DPYD: variants seen among roughly 807,000 people sequenced by gnomAD.
DPYD encodes dihydropyrimidine dehydrogenase, also known as dihydropyrimidine dehydrogenase [NADP(+)].
In DPYD, 109 loss-of-function variants were observed where a neutral mutation model predicts 116.2. The observed-to-expected ratio is 0.94, with a 90% CI of 0.80 to 1.10. The LOEUF (loss-of-function observed/expected upper bound fraction) is 1.10. Among genes scored for constraint, DPYD ranks in the 50% least tolerant of loss-of-function variants. The pLI is 0.00. For synonymous variants in DPYD, 440 were observed against 432.0 expected, an observed-to-expected ratio of 1.02 and a Z score of -0.23; for missense variants, 1,302 against 1,254.5, an observed-to-expected ratio of 1.04 and a Z score of -0.57.
chr1:97,516,733 G>A (rs779473292), intron 12 of DPYD, among the ~76,000 whole-genome samples: 85 of 151,938 alleles, frequency 5.6e-4, no homozygotes, highest in Non-Finnish European at 9.9e-4. Flanking sequence ...ATCATACATA[G>A]GTGCTTGCTA....
chr1:97,516,074 C>A (rs1648216010), intron 12 of DPYD, 133 bp from the exon 13 acceptor site: 1 of 962,780 alleles, frequency 1.0e-6, no homozygotes, highest in African/African-American at 1.7e-5. Context: ...ATGAAAAAAA[C>A]TGGCAAAAAG....
At chr1:97,620,824 ATCATTTTTTAATT>A (rs1656589658) in intron 8 of DPYD, among the ~76,000 whole-genome samples, 1 of 152,120 alleles carries the variant, frequency 6.6e-6, no homozygotes, top group South Asian at 2.1e-4. Flanking sequence ...CATTTTGATA[ATCATTTTTTAATT>A]TAAAAAATCA....
intron 18 of DPYD, among the ~76,000 whole-genome samples, chr1:97,247,256 C>T (rs979545721): frequency 3.7e-4 from 56 of 152,152 alleles, no homozygotes; most frequent in African/African-American, 1.3e-3. Flanking sequence ...TTAAAAAGAG[C>T]ATATGATCAA....
chr1:97,859,818 A>T (rs1391223439), intron 2 of DPYD, among the ~76,000 whole-genome samples: 4 of 152,190 alleles, frequency 2.6e-5, no homozygotes, highest in African/African-American at 9.6e-5. Flanking sequence ...AAATGTAAAC[A>T]AAGATATAAA....
At chr1:97,414,845 G>A (rs1674204049) in intron 14 of DPYD, among the ~76,000 whole-genome samples, 1 of 152,222 alleles carries the variant, frequency 6.6e-6, no homozygotes, top group Non-Finnish European at 1.5e-5. Flanking sequence ...TAGTTTGGCT[G>A]GCAGGGCCAG....
At chr1:97,389,141 A>C (rs1672527338) in intron 14 of DPYD, among the ~76,000 whole-genome samples, 1 of 152,052 alleles carries the variant, frequency 6.6e-6, no homozygotes, top group East Asian at 1.9e-4. Flanking sequence ...ATAAAATGTG[A>C]AATAGTCTCT....
At chr1:97,882,423 A>G (rs1373076755) in intron 2 of DPYD, among the ~76,000 whole-genome samples, 1 of 152,042 alleles carries the variant, frequency 6.6e-6, no homozygotes, top group Non-Finnish European at 1.5e-5. Context: ...AGAAGGAGGA[A>G]AGAAGTACAT....
chr1:97,399,854 A>G (rs999718975), intron 14 of DPYD, among the ~76,000 whole-genome samples: 1 of 152,190 alleles, frequency 6.6e-6, no homozygotes, highest in Non-Finnish European at 1.5e-5. Context: ...TTGGGCTGAG[A>G]TGATGGCATT....
At chr1:97,514,908 G>A (rs1393783387) in intron 13 of DPYD, among the ~76,000 whole-genome samples, 1 of 151,774 alleles carries the variant, frequency 6.6e-6, no homozygotes, top group Non-Finnish European at 1.5e-5. Flanking sequence ...TTTGCCTAAG[G>A]ATAAAGCTGA....
chr1:97,522,787 T>A (rs569481305), intron 12 of DPYD, among the ~76,000 whole-genome samples: 1 of 152,146 alleles, frequency 6.6e-6, no homozygotes, highest in African/African-American at 2.4e-5. Context: ...TGTAGAGATA[T>A]AAATAAAATC....
intron 20 of DPYD, among the ~76,000 whole-genome samples, chr1:97,130,751 CCCTT>C (rs71071633): frequency 0.27 from 28,829 of 105,106 alleles, 4,504 homozygotes; most frequent in East Asian, 0.64. Context: ...TCTTCTTTCT[CCCTT>C]CCTTCCTTCC....
At chr1:97,389,373 T>C (rs904789588) in intron 14 of DPYD, among the ~76,000 whole-genome samples, 6 of 151,506 alleles carry the variant, frequency 4.0e-5, no homozygotes, top group Non-Finnish European at 7.4e-5. Flanking sequence ...CATGGTATGA[T>C]TATGAGGTCA....
intron 3 of DPYD, among the ~76,000 whole-genome samples, chr1:97,770,441 T>C (rs1040129474): frequency 2.0e-5 from 3 of 152,092 alleles, no homozygotes; most frequent in Non-Finnish European, 4.4e-5. Context: ...TTCTTTTCTA[T>C]GAGTACCAAG....
At chr1:97,828,576 C>A (rs1669366515) in intron 2 of DPYD, among the ~76,000 whole-genome samples, 1 of 151,798 alleles carries the variant, frequency 6.6e-6, no homozygotes, top group Non-Finnish European at 1.5e-5. Flanking sequence ...AAAGAGAAAA[C>A]CATTAAGTTT....
intron 16 of DPYD, among the ~76,000 whole-genome samples, chr1:97,365,381 CTCT>C (rs1209396086): frequency 1.3e-5 from 2 of 152,212 alleles, no homozygotes; most frequent in African/African-American, 4.8e-5. Context: ...ATTACCTGAA[CTCT>C]TCATGAAATC....
At chr1:97,677,244 T>C (rs1199262526) in intron 8 of DPYD, among the ~76,000 whole-genome samples, 1 of 152,216 alleles carries the variant, frequency 6.6e-6, no homozygotes, top group Non-Finnish European at 1.5e-5. Context: ...TATTGGTCCA[T>C]ATTCCTTCAG....
At chr1:97,638,539 A>C (rs952031569) in intron 8 of DPYD, among the ~76,000 whole-genome samples, 1 of 152,162 alleles carries the variant, frequency 6.6e-6, no homozygotes, top group Non-Finnish European at 1.5e-5. Flanking sequence ...AGTGAGAGAA[A>C]ATCTTCATAT....
At chr1:97,125,935 G>T (rs1652797355) in intron 20 of DPYD, among the ~76,000 whole-genome samples, 1 of 152,094 alleles carries the variant, frequency 6.6e-6, no homozygotes, top group Non-Finnish European at 1.5e-5. Flanking sequence ...GTACTTTTAA[G>T]ATAGTTTAAA....
At chr1:97,536,355 ATCTTC>A (rs1649996691) in intron 12 of DPYD, among the ~76,000 whole-genome samples, 1 of 152,218 alleles carries the variant, frequency 6.6e-6, no homozygotes, top group Non-Finnish European at 1.5e-5. Context: ...ATTTATATCA[ATCTTC>A]TCTTAACACA....
Sources: allele counts gnomAD v4.1 joint callset (sites outside exome capture counted in the v4.1 genomes callset), GRCh38; gene constraint gnomAD v4.1.1; transcripts MANE v1.5; gene names NCBI Gene and HGNC (gene_info 2026-07-23, HGNC 2026-07-21).